Variants in SHISA7 observed in about 807,000 individuals in gnomAD.
SHISA7 encodes shisa family member 7.
A neutral mutation model predicts 23.9 loss-of-function variants in SHISA7; 6 were observed. That is an observed-to-expected ratio of 0.25 (90% CI 0.14 to 0.50). SHISA7 has a LOEUF of 0.50. Among genes scored for constraint, SHISA7 ranks in the 20% least tolerant of loss-of-function variants. SHISA7 has a pLI of 0.98. For missense variants in SHISA7, 671 were observed against 801.1 expected, an observed-to-expected ratio of 0.84 and a Z score of 1.96; for synonymous variants, 386 against 398.3, an observed-to-expected ratio of 0.97 and a Z score of 0.37.
In SHISA7 at chr19:55,433,492, G is replaced by A. The variant is rs1985263961; in HGVS notation, c.1281C>T (p.His427=). 3 of 1,448,220 alleles carry A rather than the reference G, an allele frequency of 2.1e-6. No individual in the cohort carries two copies. Among genetic ancestry groups the A allele is most frequent in the Non-Finnish European group, 2.7e-6 (3 of 1,107,354 alleles). 89.7% of individuals were successfully genotyped at this position (1,448,220 alleles called of 1,614,324 possible). ...SPEALRQSRE[H]LLSPPRSPAL... is the part of the protein sequence containing the mutation. ...CGGGGCTGCGCGGGGGCGACAGCAGGTGCTCGCGACTCTGGCGCAGGGCCT... is the reference window on the plus strand; with the variant it reads ...CGGGGCTGCGCGGGGGCGACAGCAGATGCTCGCGACTCTGGCGCAGGGCCT... The change falls in exon 4 of 4, where the codon CAC becomes CAT. Residue 427 remains histidine, a synonymous_variant. Transcript: ENST00000376325. The surrounding 1 kb of genome is among the most constrained non-coding windows in gnomAD (Gnocchi z 8.4).
At position 55,431,350 on chromosome 19, in the gene SHISA7, G is replaced by A. The variant is rs1265015177; in HGVS notation, c.*1806C>T. The A allele has an allele frequency of 6.6e-6, 1 of 152,122 alleles. No homozygotes were observed. Among genetic ancestry groups the A allele is most frequent in the Non-Finnish European group, 1.5e-5 (1 of 68,022 alleles). 9.4% of individuals were successfully genotyped at this position (152,122 alleles called of 1,614,324 possible). A position where few individuals can be genotyped will look rare whatever the true frequency, so the allele number is the denominator to read the frequency against. On this transcript the variant is annotated 3_prime_UTR_variant, in exon 4 of 4. Transcript: ENST00000376325. ...GAGGATGTCTCTGTCAGGTGTAGTG[G>A]ATTCTGGAAGGTAATGTCATCACTG...
chr19:55,440,649 G>C lies in SHISA7; in HGVS notation c.788C>G (p.Pro263Arg). The change falls in exon 2 of 4, where the codon CCC (proline) becomes CGC (arginine). Residue 263 changes from proline (P) to arginine (R), a missense_variant. Transcript: ENST00000376325. The stretch of plus-strand genomic sequence containing the variant: ...CTTCACGGTGTTGTAGAGGTTCTTG[G>C]GCGTCCTGGGGGGCATGCTGTCGGG... ...GGPDSMPPRT[P>R]KNLYNTVKTP... is the part of the protein sequence containing the mutation. 3 of 1,249,766 alleles carry C rather than the reference G, an allele frequency of 2.4e-6. No homozygotes were observed. The highest frequency in any genetic ancestry group is 3.0e-6 in the Non-Finnish European group (3 of 988,226). The allele number at this position is 1,249,766 out of a possible 1,614,324, so 77.4% of individuals were successfully genotyped here.
Position 55,433,707 on chromosome 19 carries a change from C to T in SHISA7, c.1066G>A (p.Gly356Ser). 1 of 1,478,826 alleles carries T rather than the reference C, an allele frequency of 6.8e-7. No individual in the cohort carries two copies. The highest frequency in any genetic ancestry group is 1.3e-5 in the South Asian group (1 of 78,114). The allele number at this position is 1,478,826 out of a possible 1,614,324, so 91.6% of individuals were successfully genotyped here. The change falls in exon 4 of 4, where the codon GGC (glycine) becomes AGC (serine). Residue 356 changes from glycine to serine, a missense_variant. Around this residue, in one of 5 missense-constraint regions of SHISA7, gnomAD observed 457 missense variants for 488.3 expected, o/e 0.94. Coordinates refer to ENST00000376325, the MANE Select transcript of SHISA7 (RefSeq NM_001145176.2). This position sits in a 1 kb window ranked among gnomAD's most constrained non-coding sequence, Gnocchi z 8.4. Reference sequence around the variant, plus strand: ...TCCATGCGATAGCCGCCCCCCGTGCCCGGCCGCCGCAGCGCGTGCAGGGGC... The same window carrying T: ...TCCATGCGATAGCCGCCCCCCGTGCTCGGCCGCCGCAGCGCGTGCAGGGGC... ...TLPLHALRRP[G>S]TGGGYRMEAW...
chr19:55,434,009 CG>C (rs1985287430), intron 3 of SHISA7, among the ~76,000 whole-genome samples: 1 of 151,690 alleles, frequency 6.6e-6, no homozygotes, highest in Non-Finnish European at 1.5e-5. Context: ...TTCCCCCCCG[CG>C]CCGCCTATCC....
intron 3 of SHISA7, among the ~76,000 whole-genome samples, chr19:55,435,395 G>A (rs1042375237): frequency 7.8e-5 from 9 of 115,812 alleles, no homozygotes; most frequent in Non-Finnish European, 1.4e-4. Context: ...TGGTGTGTGT[G>A]TGTGGGTGTG....
At position 55,433,122 on chromosome 19, in the gene SHISA7, G is replaced by T; in HGVS notation, c.*34C>A. 1 of 1,498,962 alleles carries T rather than the reference G, an allele frequency of 6.7e-7. No individual in the cohort carries two copies. 92.9% of individuals were successfully genotyped at this position (1,498,962 alleles called of 1,614,324 possible). A position where few individuals can be genotyped will look rare whatever the true frequency, so the allele number is the denominator to read the frequency against. The stretch of plus-strand genomic sequence containing the variant: ...GGATCCAGGCTGGGACGGGGGGCCC[G>T]GGAGGCCGCAGCCCCCCAGACCCGG... On this transcript the variant is annotated 3_prime_UTR_variant, in exon 4 of 4. Coordinates refer to ENST00000376325, the MANE Select transcript of SHISA7 (RefSeq NM_001145176.2). The surrounding 1 kb of genome is among the most constrained non-coding windows in gnomAD (Gnocchi z 8.4).
At position 55,442,399 on chromosome 19, in the gene SHISA7, C is replaced by A; in HGVS notation, c.465G>T (p.Gly155=). The A allele has an allele frequency of 7.3e-7, 1 of 1,368,044 alleles. No individual in the cohort carries two copies. The highest frequency in any genetic ancestry group is 9.4e-7 in the Non-Finnish European group (1 of 1,065,102). The allele number at this position is 1,368,044 out of a possible 1,614,324, so 84.7% of individuals were successfully genotyped here. Residue 155 remains glycine (G), a synonymous_variant, in exon 1 of 4, where the codon GGG becomes GGT. Coordinates refer to ENST00000376325, the MANE Select transcript of SHISA7 (RefSeq NM_001145176.2). ...GGAGGAGGAG[G]GPGPGQAGWL... The stretch of plus-strand genomic sequence containing the variant: ...ACCCGGCCTGGCCGGGCCCTGGCCC[C>A]CCGCCCGCACCCCCAGCGCCCCCGG...
At chr19:55,440,500 G>T (rs1985572027) in intron 2 of SHISA7, 111 bp downstream of exon 2, 2 of 1,039,610 alleles carry the variant, frequency 1.9e-6, no homozygotes, top group Admixed American at 4.3e-5. Context: ...GGCGTAGGGG[G>T]TGAGGGCGGG....
intron 3 of SHISA7, among the ~76,000 whole-genome samples, chr19:55,436,530 C>T (rs1985464975): frequency 6.6e-6 from 1 of 150,450 alleles, no homozygotes; most frequent in Admixed American, 6.7e-5. Context: ...TTGAACTCGG[C>T]AGGCGGAGAT....
chr19:55,439,847 C>G (rs1466638086), intron 2 of SHISA7, among the ~76,000 whole-genome samples: 1 of 151,916 alleles, frequency 6.6e-6, no homozygotes, highest in Non-Finnish European at 1.5e-5. Context: ...TCCTCCAGGC[C>G]TTTGCTCAAA....
rs1985582513 is a variant in SHISA7 at position 55,440,762 on chromosome 19, A to C, written c.675T>G (p.Ala225=). The change falls in exon 2 of 4, where the codon GCT becomes GCG. Residue 225 remains alanine (A), a synonymous_variant. Transcript: ENST00000376325. ...RAHRDINVPR[A]LVDILRHQAG... is the part of the protein sequence containing the mutation. ...CCTGATGTCTCAGAATGTCCACCAG[A>C]GCTCTAAAGGTGGCAGAGAGGTGGT... 1 of 1,242,902 alleles carries C rather than the reference A, an allele frequency of 8.0e-7. No homozygotes were observed. Among genetic ancestry groups the C allele is most frequent in the African/African-American group, 1.5e-5 (1 of 64,588 alleles). The allele number at this position is 1,242,902 out of a possible 1,614,324, so 77.0% of individuals were successfully genotyped here.
rs889697981 is a variant in SHISA7 at position 55,442,381 on chromosome 19, C to T, written c.483G>A (p.Gln161=). 202 of 1,362,828 alleles carry T rather than the reference C, an allele frequency of 1.5e-4. No individual in the cohort carries two copies. Among genetic ancestry groups the T allele is most frequent in the Non-Finnish European group, 1.8e-4 (195 of 1,067,784 alleles). 84.4% of individuals were successfully genotyped at this position (1,362,828 alleles called of 1,614,324 possible). A position where few individuals can be genotyped will look rare whatever the true frequency, so the allele number is the denominator to read the frequency against. The change falls in exon 1 of 4, where the codon CAG becomes CAA. Residue 161 remains glutamine, a synonymous_variant. Coordinates refer to ENST00000376325, the MANE Select transcript of SHISA7 (RefSeq NM_001145176.2). ...GGAGGGPGPG[Q]AGWLEGGRTG... ...TCCGGCCCCCTTCCAACCACCCGGC[C>T]TGGCCGGGCCCTGGCCCCCCGCCCG... is the stretch of plus-strand genomic sequence containing the variant.
intron 3 of SHISA7, among the ~76,000 whole-genome samples, chr19:55,434,331 GGT>G (rs998032100): frequency 3.2e-4 from 43 of 135,386 alleles, no homozygotes; most frequent in Non-Finnish European, 4.9e-4. Flanking sequence ...TGTGGTGTGT[GGT>G]GTGTGTGCGT....
At chr19:55,435,242 G>C (rs1457174485) in intron 3 of SHISA7, among the ~76,000 whole-genome samples, 1 of 130,254 alleles carries the variant, frequency 7.7e-6, no homozygotes, top group Admixed American at 7.9e-5. Flanking sequence ...GTGTGCGTGT[G>C]TGCGTGTGTG....
In SHISA7 at chr19:55,437,773, G is replaced by T. The variant is rs1281611804; in HGVS notation, c.827-19C>A. The T allele has an allele frequency of 6.5e-7, 1 of 1,544,124 alleles. No homozygotes were observed. Reference sequence around the variant, plus strand: ...CGCCAGTCTGGGTTAGAGGGGGCAGGGCCAGGGTCAGTCAGCTTCCTCCCT... The same window carrying T: ...CGCCAGTCTGGGTTAGAGGGGGCAGTGCCAGGGTCAGTCAGCTTCCTCCCT... On this transcript the variant is annotated intron_variant, in intron 2 of 3. Transcript: ENST00000376325.
chr19:55,437,902 T>C, intron 2 of SHISA7, 148 bp from the exon 3 acceptor site: 1 of 981,794 alleles, frequency 1.0e-6, no homozygotes, highest in Non-Finnish European at 1.4e-6. Flanking sequence ...CCCCAGCCCC[T>C]CCACCTCAGA....
intron 2 of SHISA7, chr19:55,438,726 C>A: frequency 1.0e-6 from 1 of 977,840 alleles, no homozygotes; most frequent in Non-Finnish European, 1.4e-6. Context: ...CCAAGGTCGG[C>A]CCCACATGCA....
intron 3 of SHISA7, among the ~76,000 whole-genome samples, chr19:55,435,414 G>GTC (rs2049359674): frequency 1.6e-5 from 2 of 123,432 alleles, no homozygotes; most frequent in Admixed American, 1.8e-4. Flanking sequence ...TGTGTTGTGT[G>GTC]TGTGTGTGTG....
In SHISA7 at chr19:55,440,711, C is replaced by G; in HGVS notation, c.726G>C (p.Arg242=). ...CCGGGGTCAGGGAGCTGCTTCGGGC[C>G]CGGTCCGGGCGGGTCCCAGGCCCCG... ...HQAGPGTRPD[R]ARSSSLTPGI... The change falls in exon 2 of 4, where the codon CGG becomes CGC. Residue 242 remains arginine (R), a synonymous_variant. Transcript: ENST00000376325. 1 of 1,248,792 alleles carries G rather than the reference C, an allele frequency of 8.0e-7. No individual in the cohort carries two copies. The highest frequency in any genetic ancestry group is 1.0e-6 in the Non-Finnish European group (1 of 988,440). 77.4% of individuals were successfully genotyped at this position (1,248,792 alleles called of 1,614,324 possible).
Sources: allele counts gnomAD v4.1 joint callset (sites outside exome capture counted in the v4.1 genomes callset), GRCh38; gene constraint gnomAD v4.1.1; regional missense constraint gnomAD v4.1.1; non-coding constraint Gnocchi (gnomAD v3.1); transcripts MANE v1.5; gene names NCBI Gene and HGNC (gene_info 2026-07-23, HGNC 2026-07-21).